The following ABLIM3 variants were observed in gnomAD, a reference collection of about 807,000 sequenced individuals.
ABLIM3 encodes actin-binding LIM protein 3.
ABLIM3 carries 61 observed loss-of-function variants against 109.5 expected under a neutral mutation model. That is an observed-to-expected ratio of 0.56 (90% CI 0.45 to 0.69). The LOEUF is 0.69. Among genes scored for constraint, ABLIM3 ranks in the 30% least tolerant of loss-of-function variants. The pLI is 0.00. For synonymous variants in ABLIM3, 300 were observed against 324.8 expected (o/e 0.92, Z 0.82); for missense variants, 796 against 889.5 (o/e 0.89, Z 1.34).
At position 149,258,746 on chromosome 5, in the gene ABLIM3, G is replaced by A. The variant is rs1221708432; in HGVS notation, c.*342G>A. The A allele has an allele frequency of 9.9e-7, 1 of 1,006,276 alleles. No individual in the cohort carries two copies. The allele number at this position is 1,006,276 out of a possible 1,614,324, so 62.3% of individuals were successfully genotyped here. On this transcript the variant is annotated 3_prime_UTR_variant, in exon 24 of 24. Transcript: ENST00000309868. Reference sequence around the variant, plus strand: ...AAGTCTCTCTTCTCTCTGCTTCGTGGCCCCTTTCTTAAATTTCTAGGGCTG... The same window carrying A: ...AAGTCTCTCTTCTCTCTGCTTCGTGACCCCTTTCTTAAATTTCTAGGGCTG...
intron 16 of ABLIM3, among the ~76,000 whole-genome samples, chr5:149,246,005 T>G (rs778549665): frequency 3.3e-5 from 5 of 151,952 alleles, no homozygotes; most frequent in East Asian, 1.9e-4. Context: ...ACAAAAAAAT[T>G]TTTAAAAATT....
At chr5:149,250,315 G>A (rs1383370262) in intron 19 of ABLIM3, 132 bp from the exon 20 acceptor site, 1 of 807,652 alleles carries the variant, frequency 1.2e-6, no homozygotes, top group Non-Finnish European at 2.1e-6. Context: ...ATCAGGAAGA[G>A]TTGGTGGCCT....
chr5:149,240,958 A>G (rs1252879015), intron 14 of ABLIM3, among the ~76,000 whole-genome samples, 184 bp downstream of exon 14: 1 of 152,136 alleles, frequency 6.6e-6, no homozygotes, highest in South Asian at 2.1e-4. Flanking sequence ...CAGATTATCC[A>G]CTTGACAGAA....
At chr5:149,170,050 G>A (rs947254639) in intron 2 of ABLIM3, among the ~76,000 whole-genome samples, 1 of 151,964 alleles carries the variant, frequency 6.6e-6, no homozygotes, top group East Asian at 1.9e-4. Context: ...CGTCATGGGG[G>A]TTCGTTGTAC....
At chr5:149,212,390 G>C (rs1239626892) in intron 7 of ABLIM3, among the ~76,000 whole-genome samples, 1 of 152,166 alleles carries the variant, frequency 6.6e-6, no homozygotes, top group Admixed American at 6.5e-5. Flanking sequence ...CACTGGGCAA[G>C]GGAGCATTGT....
Position 149,210,754 on chromosome 5 carries a change from T to C in ABLIM3, c.604T>C (p.Tyr202His). ...KDGVPYCESD[Y>H]HAQFGIKCET... The stretch of plus-strand genomic sequence containing the variant: ...TGGTGTTCCATACTGTGAGTCCGAC[T>C]ACCATGCCCAGTTTGGCATTAAATG... The change falls in exon 7 of 24, where the codon TAC becomes CAC. Residue 202 changes from tyrosine (Y) to histidine (H), a missense_variant. By Grantham distance (83) the Tyr-to-His change is moderately conservative. Transcript: ENST00000309868. 1 of 1,614,120 alleles carries C rather than the reference T, an allele frequency of 6.2e-7. No homozygotes were observed. The highest frequency in any genetic ancestry group is 8.5e-7 in the Non-Finnish European group (1 of 1,179,978).
chr5:149,222,261 C>G (rs1760726681), intron 8 of ABLIM3, among the ~76,000 whole-genome samples: 1 of 152,006 alleles, frequency 6.6e-6, no homozygotes, highest in African/African-American at 2.4e-5. Flanking sequence ...CACGACAACC[C>G]TGTCAGCTAA....
intron 10 of ABLIM3, among the ~76,000 whole-genome samples, chr5:149,234,366 T>C (rs1403915180): frequency 6.6e-6 from 1 of 152,082 alleles, no homozygotes; most frequent in African/African-American, 2.4e-5. Flanking sequence ...AGACCAGAAA[T>C]GTGGGGAAAA....
At chr5:149,168,012 A>G (rs77431348) in intron 2 of ABLIM3, among the ~76,000 whole-genome samples, 3,609 of 152,262 alleles carry the variant, frequency 0.024, 104 homozygotes, top group East Asian at 0.13. Flanking sequence ...TAGAATGTTT[A>G]GCAGCCTCCC....
chr5:149,210,481 C>T (rs897104826), intron 6 of ABLIM3, among the ~76,000 whole-genome samples: 6 of 152,144 alleles, frequency 3.9e-5, no homozygotes, highest in Admixed American at 6.6e-5. Context: ...TATCACTGTC[C>T]GCCAAGTGAT....
At chr5:149,162,576 T>C (rs1339094421) in intron 2 of ABLIM3, among the ~76,000 whole-genome samples, 1 of 152,186 alleles carries the variant, frequency 6.6e-6, no homozygotes, top group Admixed American at 6.5e-5. Context: ...CCTTTCATCA[T>C]GCCCGTCAGA....
intron 2 of ABLIM3, among the ~76,000 whole-genome samples, chr5:149,167,534 C>T (rs1362008454): frequency 6.6e-6 from 1 of 152,100 alleles, no homozygotes. Context: ...TTCAGATGGT[C>T]TCAACAAGGA....
rs901155661 is a variant in ABLIM3 at position 149,260,351 on chromosome 5, T to G, written c.*1947T>G. On this transcript the variant is annotated 3_prime_UTR_variant, in exon 24 of 24. Coordinates refer to ENST00000309868, the MANE Select transcript of ABLIM3 (RefSeq NM_014945.5). ...ATCATGGAAGTTGCCTTATTGTCAC[T>G]GGTTAAGAACTTGGCGAGATTGAAG... 1.3e-5 allele frequency: 2 copies of G among 152,642 alleles called. No homozygotes were observed. Among genetic ancestry groups the G allele is most frequent in the African/African-American group, 4.8e-5 (2 of 41,468 alleles). The allele number at this position is 152,642 out of a possible 1,614,324, so 9.5% of individuals were successfully genotyped here.
At chr5:149,165,918 T>C (rs550505696) in intron 2 of ABLIM3, among the ~76,000 whole-genome samples, 1 of 152,332 alleles carries the variant, frequency 6.6e-6, no homozygotes, top group Admixed American at 6.5e-5. Flanking sequence ...TAAGATACTT[T>C]GAAAATCAAA....
At chr5:149,200,816 A>G (rs1435565853) in intron 5 of ABLIM3, among the ~76,000 whole-genome samples, 1 of 152,148 alleles carries the variant, frequency 6.6e-6, no homozygotes, top group Non-Finnish European at 1.5e-5. Flanking sequence ...CTTACAGAAG[A>G]GGTAGTATGG....
chr5:149,185,887 T>G (rs1176790646), intron 3 of ABLIM3, among the ~76,000 whole-genome samples: 1 of 152,248 alleles, frequency 6.6e-6, no homozygotes, highest in African/African-American at 2.4e-5. Context: ...ATGCCTTATT[T>G]CATCCTGATA....
At chr5:149,141,911 A>AGGCCAGG in intron 1 of ABLIM3, 98 bp from the exon 2 acceptor site, 1 of 854,046 alleles carries the variant, frequency 1.2e-6, no homozygotes, top group South Asian at 1.6e-5. Context: ...CGCGCCTTCA[A>AGGCCAGG]GGCCAGGGGC....
At chr5:149,191,464 A>G (rs1444453900) in intron 3 of ABLIM3, among the ~76,000 whole-genome samples, 1 of 152,208 alleles carries the variant, frequency 6.6e-6, no homozygotes, top group Non-Finnish European at 1.5e-5. Context: ...AAGAAACAAA[A>G]ATCAGCATTG....
chr5:149,252,157 T>G lies in ABLIM3; in HGVS notation c.1850-44T>G, dbSNP rs763124079. On this transcript the variant is annotated intron_variant, in intron 21 of 23. Coordinates refer to ENST00000309868, the MANE Select transcript of ABLIM3 (RefSeq NM_014945.5). Reference sequence around the variant, plus strand: ...CTGTGTAGTGATGCAAAGCAAAGACTGATGGGCTCCATTCTGTGTGTGTGT... The same window carrying G: ...CTGTGTAGTGATGCAAAGCAAAGACGGATGGGCTCCATTCTGTGTGTGTGT... The G allele has an allele frequency of 2.5e-6, 4 of 1,612,666 alleles. No homozygotes were observed. In the South Asian group the frequency reaches 4.4e-5, roughly 18 times the overall value.
Sources: gnomAD v4.1 joint callset for allele counts (sites outside exome capture counted in the v4.1 genomes callset) on GRCh38, gnomAD v4.1.1 for gene constraint, MANE v1.5 for transcripts, NCBI Gene and HGNC (gene_info 2026-07-23, HGNC 2026-07-21) for gene names.